The following TNKS variants were observed in gnomAD, a reference collection of about 807,000 sequenced individuals.
The protein encoded by TNKS is poly [ADP-ribose] polymerase tankyrase-1.
A neutral mutation model predicts 135.8 loss-of-function variants in TNKS; 72 were observed. That is an observed-to-expected ratio of 0.53 (90% CI 0.44 to 0.64). The LOEUF is 0.64. TNKS is among the 30% of genes least tolerant of loss of function. The pLI is 0.00. For missense variants in TNKS, 1,769 were observed against 1,674.0 expected, an observed-to-expected ratio of 1.06 and a Z score of -0.99; for synonymous variants, 849 against 649.3, an observed-to-expected ratio of 1.31 and a Z score of -4.68.
chr8:9,582,579 T>C (rs374708104), intron 2 of TNKS, among the ~76,000 whole-genome samples: 13 of 152,342 alleles, frequency 8.5e-5, no homozygotes, highest in African/African-American at 2.6e-4. Flanking sequence ...TCCAGGCTTA[T>C]ACCCTGACCC....
chr8:9,726,674 A>G lies in TNKS; in HGVS notation c.1955A>G (p.Tyr652Cys). The G allele has an allele frequency of 6.2e-7, 1 of 1,613,552 alleles. No individual in the cohort carries two copies. ...STPIRTSDVD[Y>C]RLLEASKAGD... The stretch of plus-strand genomic sequence containing the variant: ...CCTATACGTACTTCTGATGTTGATT[A>G]TCGACTCTTAGAGGCATCTAAAGCT... The change falls in exon 13 of 27, where the codon TAT (tyrosine) becomes TGT (cysteine). Residue 652 changes from tyrosine to cysteine, a missense_variant. Physicochemically the swap from Tyr to Cys is radical, Grantham distance 194. This residue lies in a region of TNKS where 523 missense variants were observed against 541.0 expected (regional missense o/e 0.97). Coordinates refer to ENST00000310430, the MANE Select transcript of TNKS (RefSeq NM_003747.3).
At chr8:9,617,381 T>A (rs1799685923) in intron 3 of TNKS, among the ~76,000 whole-genome samples, 1 of 152,242 alleles carries the variant, frequency 6.6e-6, no homozygotes, top group Non-Finnish European at 1.5e-5. Flanking sequence ...AGTCATTTGT[T>A]CTTTTCAAGA....
chr8:9,615,155 A>G lies in TNKS; in HGVS notation c.899-427A>G, dbSNP rs537203193. 4 of 159,444 alleles carry G rather than the reference A, an allele frequency of 2.5e-5. No individual in the cohort carries two copies. The Admixed American group carries it at 2.5e-4, about 10-fold the overall frequency. The allele number at this position is 159,444 out of a possible 1,614,324, so 9.9% of individuals were successfully genotyped here. A position where few individuals can be genotyped will look rare whatever the true frequency, so the allele number is the denominator to read the frequency against. ...AAAAGGCTTGCACAGTATTATAACT[A>G]TTCTGAGGAGAGGAGGCATTTGGAA... On this transcript the variant is annotated intron_variant, in intron 2 of 26. Transcript: ENST00000310430.
chr8:9,764,576 C>A, intron 22 of TNKS, 140 bp from the exon 23 acceptor site: 1 of 491,622 alleles, frequency 2.0e-6, no homozygotes, highest in Non-Finnish European at 3.4e-6. Context: ...TATTTTCTCA[C>A]CAAAAATACT....
intron 2 of TNKS, among the ~76,000 whole-genome samples, chr8:9,584,080 C>T (rs971141898): frequency 4.1e-5 from 6 of 147,016 alleles, no homozygotes; most frequent in African/African-American, 5.0e-5. Context: ...AGGAGAATGG[C>T]GTGAACCCGG....
intron 26 of TNKS, among the ~76,000 whole-genome samples, chr8:9,775,039 T>C (rs1037572093): frequency 6.6e-6 from 1 of 152,126 alleles, no homozygotes; most frequent in African/African-American, 2.4e-5. Flanking sequence ...ACCAGAGTGT[T>C]CTTATGTGGT....
At chr8:9,746,788 C>CT (rs1040153173) in intron 17 of TNKS, among the ~76,000 whole-genome samples, 1 of 151,678 alleles carries the variant, frequency 6.6e-6, no homozygotes, top group African/African-American at 2.4e-5. Context: ...CCTTTTCTGA[C>CT]AAACGATCTG....
At chr8:9,766,558 C>G in intron 25 of TNKS, 133 bp downstream of exon 25, 2 of 716,096 alleles carry the variant, frequency 2.8e-6, no homozygotes, top group Non-Finnish European at 4.0e-6. Context: ...ACGATCCTGG[C>G]TCACGCAACC....
At chr8:9,687,153 C>T (rs1585327827) in intron 5 of TNKS, among the ~76,000 whole-genome samples, 2 of 152,254 alleles carry the variant, frequency 1.3e-5, no homozygotes, top group South Asian at 4.1e-4. Context: ...ACCTTTATCA[C>T]CCTCCATTCT....
At chr8:9,564,512 G>T (rs557251300) in intron 1 of TNKS, among the ~76,000 whole-genome samples, 1 of 152,346 alleles carries the variant, frequency 6.6e-6, no homozygotes, top group African/African-American at 2.4e-5. Context: ...TGACATGAGG[G>T]AGAAAACACT....
At position 9,746,881 on chromosome 8, in the gene TNKS, C is replaced by CTTTTTTTT. The variant is rs10672387; in HGVS notation, c.2644-1131_2644-1124dup. ...TCTGAGAGTTTCATACCTACTTAAA[C>CTTTTTTTT]TTTTTTTTTTTTTTTTTTTGAGACG... On this transcript the variant is annotated intron_variant, in intron 17 of 26. Transcript: ENST00000310430. Among the ~76,000 whole-genome samples, 389 of 117,146 alleles carry CTTTTTTTT rather than the reference C, an allele frequency of 3.3e-3. 18 individuals are homozygous for CTTTTTTTT. The highest frequency in any genetic ancestry group is 7.3e-3 in the African/African-American group (200 of 27,520). 76.9% of individuals were successfully genotyped at this position (117,146 alleles called of 152,430 possible).
intron 20 of TNKS, among the ~76,000 whole-genome samples, chr8:9,758,568 G>T (rs567534573): frequency 2.8e-4 from 43 of 152,244 alleles, no homozygotes; most frequent in Middle Eastern, 3.4e-3. Flanking sequence ...CACAGTTTCT[G>T]TATGTCAACA....
At chr8:9,581,454 A>T (rs1056698637) in intron 2 of TNKS, among the ~76,000 whole-genome samples, 1 of 152,176 alleles carries the variant, frequency 6.6e-6, no homozygotes, top group Non-Finnish European at 1.5e-5. Context: ...TCTCACTAAC[A>T]TAGCCACATC....
intron 3 of TNKS, among the ~76,000 whole-genome samples, chr8:9,668,110 A>T (rs1280260683): frequency 2.6e-5 from 4 of 152,204 alleles, no homozygotes; most frequent in Non-Finnish European, 5.9e-5. Flanking sequence ...CCGTGTGAAC[A>T]TTATCTGTCA....
At chr8:9,650,515 C>G (rs1163431380) in intron 3 of TNKS, among the ~76,000 whole-genome samples, 2 of 152,238 alleles carry the variant, frequency 1.3e-5, no homozygotes, top group East Asian at 3.9e-4. Flanking sequence ...GCCATACTTG[C>G]AGAAGTAAGA....
intron 17 of TNKS, among the ~76,000 whole-genome samples, chr8:9,744,183 G>A (rs562425689): frequency 1.1e-4 from 16 of 152,224 alleles, no homozygotes; most frequent in Non-Finnish European, 2.4e-4. Context: ...GTGCCTTACT[G>A]TGTCGGTGTT....
intron 12 of TNKS, among the ~76,000 whole-genome samples, chr8:9,724,923 C>A (rs1257190644): frequency 6.6e-6 from 1 of 152,046 alleles, no homozygotes; most frequent in Non-Finnish European, 1.5e-5. Context: ...TTAAATGTAT[C>A]CTTAAAGTGC....
At chr8:9,661,042 C>A (rs965061930) in intron 3 of TNKS, among the ~76,000 whole-genome samples, 8 of 151,460 alleles carry the variant, frequency 5.3e-5, no homozygotes, top group Admixed American at 1.3e-4. Context: ...TGAAGGACCT[C>A]TTCAAGGAGA....
Position 9,778,693 on chromosome 8 carries a change from T to C in TNKS, c.*1957T>C, listed in dbSNP as rs1381264843. 1.3e-5 allele frequency: 2 copies of C among 152,592 alleles called. No individual in the cohort carries two copies. The highest frequency in any genetic ancestry group is 1.5e-5 in the Non-Finnish European group (1 of 68,040). 9.5% of individuals were successfully genotyped at this position (152,592 alleles called of 1,614,324 possible). The stretch of plus-strand genomic sequence containing the variant: ...TAAGAGGGCTTTTTTTCCCCTTCTT[T>C]CCTTCTCTTTTGCTGTAACAAAGGG... On this transcript the variant is annotated 3_prime_UTR_variant, in exon 27 of 27. Transcript: ENST00000310430.
Sources: gnomAD v4.1 joint callset for allele counts (sites outside exome capture counted in the v4.1 genomes callset) on GRCh38, gnomAD v4.1.1 for gene constraint, gnomAD v4.1.1 regional missense constraint, MANE v1.5 for transcripts, NCBI Gene and HGNC (gene_info 2026-07-23, HGNC 2026-07-21) for gene names.